Variants in FRMD5 observed in about 807,000 individuals in gnomAD.
FRMD5 encodes the protein FERM domain containing 5, also known as FERM domain-containing protein 5.
FRMD5 carries 20 observed loss-of-function variants against 69.0 expected under a neutral mutation model. The observed-to-expected ratio is 0.29, with a 90% confidence interval of 0.20 to 0.42. The LOEUF (loss-of-function observed/expected upper bound fraction) is 0.42. Among genes scored for constraint, FRMD5 ranks in the 10% least tolerant of loss-of-function variants. The pLI, the probability that FRMD5 is intolerant of heterozygous loss-of-function variation, is 1.00. For synonymous variants in FRMD5, 271 were observed against 260.1 expected (o/e 1.04, Z -0.40); for missense variants, 595 against 708.6 (o/e 0.84, Z 1.82).
At chr15:44,118,824 G>A (rs1350439511) in intron 1 of FRMD5, among the ~76,000 whole-genome samples, 1 of 152,108 alleles carries the variant, frequency 6.6e-6, no homozygotes, top group African/African-American at 2.4e-5. Flanking sequence ...CACCCAGGCT[G>A]GAGTGCAGTG....
Position 43,905,967 on chromosome 15 carries a change from T to C in FRMD5, c.428-16A>G, listed in dbSNP as rs751272875. On this transcript the variant is annotated splice_polypyrimidine_tract_variant and intron_variant, in intron 5 of 13. Transcript: ENST00000417257. ...CCAATCTCCGCTTTCAAAAGGAAGGTGGAAGAAAACAATTGTGGAGACAGG... is the reference window on the plus strand; with the variant it reads ...CCAATCTCCGCTTTCAAAAGGAAGGCGGAAGAAAACAATTGTGGAGACAGG... 2.5e-6 allele frequency: 4 copies of C among 1,614,120 alleles called. No homozygotes were observed. The South Asian group carries it at 4.4e-5, about 18-fold the overall frequency.
At chr15:44,116,230 G>A (rs189597757) in intron 1 of FRMD5, among the ~76,000 whole-genome samples, 1 of 150,232 alleles carries the variant, frequency 6.7e-6, no homozygotes, top group Non-Finnish European at 1.5e-5. Context: ...TATATATAGA[G>A]AGAGAGAGAG....
chr15:43,972,003 C>T (rs2090387660), intron 1 of FRMD5, among the ~76,000 whole-genome samples: 2 of 150,424 alleles, frequency 1.3e-5, no homozygotes, highest in Admixed American at 1.3e-4. Context: ...TGAGACCATC[C>T]TGGCCAACAT....
At chr15:43,918,294 G>A (rs2089431078) in intron 4 of FRMD5, among the ~76,000 whole-genome samples, 1 of 152,272 alleles carries the variant, frequency 6.6e-6, no homozygotes, top group Non-Finnish European at 1.5e-5. Context: ...CGTGGTGGCA[G>A]GCGCCCGTAA....
At position 44,022,584 on chromosome 15, in the gene FRMD5, GA is replaced by G. The variant is rs5812262; in HGVS notation, c.103-98276del. 7.7e-3 allele frequency among the ~76,000 whole-genome samples: 567 copies of G among 73,182 alleles called. 3 individuals carry two copies. The highest frequency in any genetic ancestry group is 0.031 in the African/African-American group (537 of 17,156). 48.0% of individuals were successfully genotyped at this position (73,182 alleles called of 152,430 possible). A position where few individuals can be genotyped will look rare whatever the true frequency, so the allele number is the denominator to read the frequency against. On this transcript the variant is annotated intron_variant, in intron 1 of 13. Transcript: ENST00000417257. ...GCAAGACTCTGTCCCCACTCCACCA[GA>G]AAAAAAAAAAAAAAAAAAAAAAGAG...
chr15:43,940,876 G>A (rs2089850556), intron 1 of FRMD5, among the ~76,000 whole-genome samples: 1 of 152,154 alleles, frequency 6.6e-6, no homozygotes, highest in Non-Finnish European at 1.5e-5. Flanking sequence ...AATGACTTTG[G>A]TGAATGGGTC....
intron 4 of FRMD5, among the ~76,000 whole-genome samples, chr15:43,914,872 C>A (rs1018662194): frequency 6.6e-5 from 10 of 151,874 alleles, no homozygotes; most frequent in African/African-American, 2.4e-4. Flanking sequence ...ATTACAGGCA[C>A]GTGCCACCAC....
At chr15:44,040,453 T>TA (rs1892137347) in intron 1 of FRMD5, among the ~76,000 whole-genome samples, 5 of 152,146 alleles carry the variant, frequency 3.3e-5, no homozygotes, top group Admixed American at 3.3e-4. Context: ...CCCATCAGAC[T>TA]AACAGCAGAT....
At chr15:43,891,023 T>TC (rs2088781231) in intron 8 of FRMD5, among the ~76,000 whole-genome samples, 1 of 151,884 alleles carries the variant, frequency 6.6e-6, no homozygotes, top group South Asian at 2.1e-4. Context: ...CAAACAGACT[T>TC]CCCCCCACTG....
In FRMD5 at chr15:44,062,321, C is replaced by T. The variant is rs1167673783; in HGVS notation, c.102+132632G>A. 2.0e-5 allele frequency among the ~76,000 whole-genome samples: 3 copies of T among 152,146 alleles called. No homozygotes were observed. In the South Asian group the frequency reaches 6.2e-4, roughly 32 times the overall value. The stretch of plus-strand genomic sequence containing the variant: ...CAAAATACTGTATCCACCATGGGGA[C>T]CACAGAGATGTTACTTCCAATATTA... On this transcript the variant is annotated intron_variant, in intron 1 of 13. Transcript: ENST00000417257.
chr15:44,018,437 T>C (rs761682500), intron 1 of FRMD5, among the ~76,000 whole-genome samples: 2 of 152,194 alleles, frequency 1.3e-5, no homozygotes, highest in Non-Finnish European at 2.9e-5. Flanking sequence ...TGATTAAGTT[T>C]GGGCATGTGA....
chr15:44,074,400 T>C lies in FRMD5; in HGVS notation c.102+120553A>G, dbSNP rs142630408. Among the ~76,000 whole-genome samples, 1,137 of 152,108 alleles carry C rather than the reference T, an allele frequency of 7.5e-3. 21 individuals carry two copies. Among genetic ancestry groups the C allele is most frequent in the African/African-American group, 0.026 (1,088 of 41,498 alleles). On this transcript the variant is annotated intron_variant, in intron 1 of 13. Transcript: ENST00000417257. ...AACAAATGAATTATTATTTAATCAA[T>C]AGAGAATAATAAATATTTCAAAATA...
chr15:44,123,787 G>A (rs2447331), intron 1 of FRMD5, among the ~76,000 whole-genome samples: 1 of 152,054 alleles, frequency 6.6e-6, no homozygotes, highest in South Asian at 2.1e-4. Flanking sequence ...AATCATCTGA[G>A]AAAATACAAT....
At chr15:44,090,315 T>A (rs1203358662) in intron 1 of FRMD5, among the ~76,000 whole-genome samples, 1 of 152,164 alleles carries the variant, frequency 6.6e-6, no homozygotes, top group Non-Finnish European at 1.5e-5. Context: ...TCTTTAGATG[T>A]CCCAATTGAT....
At chr15:43,973,699 G>A (rs530134810) in intron 1 of FRMD5, among the ~76,000 whole-genome samples, 1 of 152,006 alleles carries the variant, frequency 6.6e-6, no homozygotes, top group Non-Finnish European at 1.5e-5. Flanking sequence ...AGATCATATT[G>A]AGCATGATAC....
intron 1 of FRMD5, among the ~76,000 whole-genome samples, chr15:44,089,791 C>T (rs944331483): frequency 6.6e-6 from 1 of 151,880 alleles, no homozygotes; most frequent in Admixed American, 6.6e-5. Flanking sequence ...GGAACTGGGA[C>T]ATAAAAAACA....
chr15:44,057,137 A>T (rs1208608507), intron 1 of FRMD5, among the ~76,000 whole-genome samples: 1 of 147,016 alleles, frequency 6.8e-6, no homozygotes, highest in African/African-American at 2.5e-5. Flanking sequence ...GAACTGTTCT[A>T]TTTTTTTTTT....
At chr15:43,970,045 G>A (rs931078480) in intron 1 of FRMD5, among the ~76,000 whole-genome samples, 3 of 152,190 alleles carry the variant, frequency 2.0e-5, no homozygotes, top group Non-Finnish European at 4.4e-5. Context: ...TCACAAAAGG[G>A]AGGATAGAAG....
chr15:43,983,915 C>G (rs1413813156), intron 1 of FRMD5, among the ~76,000 whole-genome samples: 3 of 152,176 alleles, frequency 2.0e-5, no homozygotes, highest in Non-Finnish European at 4.4e-5. Context: ...ATAAAGAAGT[C>G]CCTTGATCTC....
Sources: gnomAD v4.1 joint callset for allele counts (sites outside exome capture counted in the v4.1 genomes callset) on GRCh38, gnomAD v4.1.1 for gene constraint, MANE v1.5 for transcripts, NCBI Gene and HGNC (gene_info 2026-07-23, HGNC 2026-07-21) for gene names.